ACSS3: variants seen among roughly 807,000 people sequenced by gnomAD.
ACSS3 encodes acyl-CoA synthetase short-chain family member 3, mitochondrial.
ACSS3 carries 64 observed loss-of-function variants against 84.2 expected under a neutral mutation model. That is an observed-to-expected ratio of 0.76 (90% CI 0.62 to 0.94). The LOEUF (loss-of-function observed/expected upper bound fraction) is 0.94, where lower values mean the gene tolerates loss of function less well. ACSS3 is among the 40% of genes least tolerant of loss of function. The probability of loss-of-function intolerance (pLI) is 0.00; values close to 1 mark genes in which losing one functional copy is unlikely to be tolerated. For missense variants in ACSS3, 815 were observed against 867.6 expected, an observed-to-expected ratio of 0.94 and a Z score of 0.76; for synonymous variants, 317 against 310.1, an observed-to-expected ratio of 1.02 and a Z score of -0.23.
At chr12:81,224,574 ATGTG>A (rs72129467) in intron 11 of ACSS3, among the ~76,000 whole-genome samples, 24,287 of 71,832 alleles carry the variant, frequency 0.34, 2,148 homozygotes, top group Non-Finnish European at 0.44. Context: ...ACACACACAC[ATGTG>A]TGTGTGTGTG....
At chr12:81,237,362 C>G (rs2033663645) in intron 13 of ACSS3, among the ~76,000 whole-genome samples, 2 of 151,452 alleles carry the variant, frequency 1.3e-5, no homozygotes, top group African/African-American at 2.4e-5. Flanking sequence ...TTTCAAGAGT[C>G]TCAGGAGGCT....
intron 7 of ACSS3, among the ~76,000 whole-genome samples, chr12:81,174,226 A>T (rs1033367623): frequency 6.6e-6 from 1 of 152,210 alleles, no homozygotes; most frequent in Non-Finnish European, 1.5e-5. Flanking sequence ...CATTGAACAT[A>T]TACAATGTTA....
intron 9 of ACSS3, among the ~76,000 whole-genome samples, chr12:81,204,959 T>C (rs2032281379): frequency 6.6e-6 from 1 of 152,112 alleles, no homozygotes; most frequent in South Asian, 2.1e-4. Context: ...AACTGAGACA[T>C]TGGTGATGAT....
chr12:81,243,882 A>G (rs556283929), intron 13 of ACSS3, among the ~76,000 whole-genome samples: 2 of 152,298 alleles, frequency 1.3e-5, no homozygotes, highest in East Asian at 1.9e-4. Context: ...TAAATTGAGA[A>G]CAAGAAAAAT....
chr12:81,247,594 T>G (rs886682926), intron 13 of ACSS3, among the ~76,000 whole-genome samples: 1 of 152,108 alleles, frequency 6.6e-6, no homozygotes, highest in Non-Finnish European at 1.5e-5. Flanking sequence ...TCTCTATATA[T>G]GAATTAAATG....
intron 9 of ACSS3, 88 bp from the exon 10 acceptor site, chr12:81,216,813 C>T: frequency 5.7e-6 from 6 of 1,054,740 alleles, no homozygotes; most frequent in Non-Finnish European, 8.6e-6. Context: ...GTATGACAAA[C>T]TAGGGTGGGG....
intron 8 of ACSS3, among the ~76,000 whole-genome samples, chr12:81,191,463 A>C (rs947361527): frequency 6.6e-6 from 1 of 152,132 alleles, no homozygotes; most frequent in Non-Finnish European, 1.5e-5. Flanking sequence ...TGGGCATGGA[A>C]GTCTTTTTCC....
intron 9 of ACSS3, among the ~76,000 whole-genome samples, chr12:81,203,326 G>A (rs2032194035): frequency 6.6e-6 from 1 of 152,080 alleles, no homozygotes; most frequent in Admixed American, 6.5e-5. Context: ...TGTCCATTCA[G>A]ACTCACATAT....
chr12:81,119,770 C>A (rs1884408699), intron 2 of ACSS3, among the ~76,000 whole-genome samples: 1 of 152,200 alleles, frequency 6.6e-6, no homozygotes, highest in East Asian at 1.9e-4. Flanking sequence ...TCAAGGTGCA[C>A]TGATTTCATA....
At chr12:81,230,013 T>G (rs894729820) in intron 11 of ACSS3, among the ~76,000 whole-genome samples, 3 of 151,882 alleles carry the variant, frequency 2.0e-5, no homozygotes, top group Non-Finnish European at 1.5e-5. Context: ...TCTTTTGTAC[T>G]GTCAGACCCG....
intron 13 of ACSS3, among the ~76,000 whole-genome samples, chr12:81,248,820 T>C (rs2136009628): frequency 1.3e-5 from 2 of 152,100 alleles, no homozygotes. Context: ...ACATGTACCC[T>C]ATAAATATGT....
intron 11 of ACSS3, among the ~76,000 whole-genome samples, chr12:81,226,873 C>G (rs762181286): frequency 6.6e-6 from 1 of 151,704 alleles, no homozygotes; most frequent in Non-Finnish European, 1.5e-5. Flanking sequence ...CCAATTACAT[C>G]TTTTGTTTTT....
At chr12:81,116,035 A>G (rs1260778702) in intron 2 of ACSS3, among the ~76,000 whole-genome samples, 1 of 152,044 alleles carries the variant, frequency 6.6e-6, no homozygotes, top group Non-Finnish European at 1.5e-5. Context: ...AAGTGGTCTG[A>G]CCCAACCATA....
chr12:81,099,881 A>T (rs1882365485), intron 1 of ACSS3, among the ~76,000 whole-genome samples: 2 of 152,128 alleles, frequency 1.3e-5, no homozygotes, highest in African/African-American at 4.8e-5. Flanking sequence ...ACTACTAGCC[A>T]CTTCTGGCAC....
chr12:81,137,088 A>G (rs890376491), intron 3 of ACSS3, among the ~76,000 whole-genome samples: 5 of 152,052 alleles, frequency 3.3e-5, no homozygotes, highest in Non-Finnish European at 7.4e-5. Flanking sequence ...ATTAGTTATT[A>G]AAACAAGAAA....
intron 5 of ACSS3, among the ~76,000 whole-genome samples, chr12:81,149,609 A>C (rs1295094442): frequency 6.6e-6 from 1 of 152,156 alleles, no homozygotes; most frequent in African/African-American, 2.4e-5. Context: ...TAGATTAATA[A>C]ATGGTAAAAA....
intron 13 of ACSS3, among the ~76,000 whole-genome samples, chr12:81,238,283 T>C: frequency 6.6e-6 from 1 of 151,678 alleles, no homozygotes; most frequent in East Asian, 1.9e-4. Context: ...ATAGTTTTTT[T>C]TAATTGTCTT....
chr12:81,104,411 A>T (rs974739605), intron 1 of ACSS3, among the ~76,000 whole-genome samples: 3 of 152,162 alleles, frequency 2.0e-5, no homozygotes, highest in Non-Finnish European at 4.4e-5. Flanking sequence ...GTGTGGCCTC[A>T]ATTTCATCCT....
At chr12:81,226,723 T>G (rs996856771) in intron 11 of ACSS3, among the ~76,000 whole-genome samples, 1 of 151,874 alleles carries the variant, frequency 6.6e-6, no homozygotes, top group African/African-American at 2.4e-5. Context: ...AATATAAACT[T>G]TCTATAGAAA....
Sources: allele counts gnomAD v4.1 joint callset (sites outside exome capture counted in the v4.1 genomes callset), GRCh38; gene constraint gnomAD v4.1.1; transcripts MANE v1.5; gene names NCBI Gene and HGNC (gene_info 2026-07-23, HGNC 2026-07-21).